The following TTC27 variants were observed in gnomAD, a reference collection of about 807,000 sequenced individuals.
The protein encoded by TTC27 is tetratricopeptide repeat domain 27.
In TTC27, 79 loss-of-function variants were observed where a neutral mutation model predicts 115.9. That is an observed-to-expected ratio of 0.68 (90% CI 0.57 to 0.82). The LOEUF (loss-of-function observed/expected upper bound fraction) is 0.82. Ranked by LOEUF, TTC27 falls within the 40% of genes least tolerant of loss-of-function variation. The probability of loss-of-function intolerance (pLI) is 0.00; values close to 1 mark genes in which losing one functional copy is unlikely to be tolerated. For synonymous variants in TTC27, 401 were observed against 356.0 expected (o/e 1.13, Z -1.42); for missense variants, 1,054 against 993.1 (o/e 1.06, Z -0.82).
At chr2:32,668,558 C>CT (rs1328648219) in intron 7 of TTC27, among the ~76,000 whole-genome samples, 38 of 85,176 alleles carry the variant, frequency 4.5e-4, no homozygotes, top group African/African-American at 1.4e-3. Context: ...CCCTCCCTCC[C>CT]TCCCTTCCTT....
chr2:32,690,342 T>A (rs973213269), intron 9 of TTC27, among the ~76,000 whole-genome samples: 6 of 151,980 alleles, frequency 3.9e-5, no homozygotes, highest in African/African-American at 9.7e-5. Context: ...CTACTAGATG[T>A]TGTGGAAAAA....
intron 13 of TTC27, among the ~76,000 whole-genome samples, chr2:32,760,828 C>T (rs1207349911): frequency 2.6e-5 from 4 of 152,136 alleles, no homozygotes; most frequent in Admixed American, 1.3e-4. Context: ...CTCTGCAGCG[C>T]ACAGTCTGTT....
At chr2:32,709,089 T>C (rs1323909044) in intron 10 of TTC27, among the ~76,000 whole-genome samples, 5 of 152,220 alleles carry the variant, frequency 3.3e-5, no homozygotes, top group Non-Finnish European at 5.9e-5. Context: ...CATGAGTCCA[T>C]ATTGTTATAA....
chr2:32,718,999 G>A (rs1572545671), intron 10 of TTC27, among the ~76,000 whole-genome samples: 1 of 152,190 alleles, frequency 6.6e-6, no homozygotes, highest in South Asian at 2.1e-4. Context: ...GCTTGACCAA[G>A]CCTAGGGGGC....
chr2:32,664,908 C>T (rs983259820), intron 6 of TTC27, among the ~76,000 whole-genome samples: 7 of 151,862 alleles, frequency 4.6e-5, no homozygotes, highest in Non-Finnish European at 8.8e-5. Flanking sequence ...TCTTGGCTCA[C>T]TGCAACCTTG....
chr2:32,636,253 G>T (rs1358545651), intron 3 of TTC27, among the ~76,000 whole-genome samples: 1 of 152,004 alleles, frequency 6.6e-6, no homozygotes, highest in Non-Finnish European at 1.5e-5. Context: ...TCACTCTGTC[G>T]CCCAGGCTGG....
intron 10 of TTC27, among the ~76,000 whole-genome samples, chr2:32,718,355 T>C (rs984297060): frequency 6.6e-6 from 1 of 152,194 alleles, no homozygotes; most frequent in African/African-American, 2.4e-5. Flanking sequence ...TTTGACCATT[T>C]TGACCAATTA....
intron 9 of TTC27, among the ~76,000 whole-genome samples, chr2:32,689,326 A>G (rs192625291): frequency 6.6e-6 from 1 of 152,268 alleles, no homozygotes; most frequent in East Asian, 1.9e-4. Flanking sequence ...ATACTTCACT[A>G]AAGGGAAGAA....
At chr2:32,817,261 A>G (rs113916204) in intron 18 of TTC27, among the ~76,000 whole-genome samples, 196 bp from the exon 19 acceptor site, 1 of 149,734 alleles carries the variant, frequency 6.7e-6, no homozygotes, top group African/African-American at 2.5e-5. Flanking sequence ...AAAAAAAAAG[A>G]AGAAGAAGAA....
chr2:32,675,018 A>G (rs988022982), intron 8 of TTC27, among the ~76,000 whole-genome samples: 2 of 152,326 alleles, frequency 1.3e-5, no homozygotes, highest in South Asian at 4.1e-4. Context: ...ATCCATAACA[A>G]CATTTAGTAT....
At chr2:32,790,799 G>C (rs1256665325) in intron 16 of TTC27, among the ~76,000 whole-genome samples, 2 of 151,562 alleles carry the variant, frequency 1.3e-5, no homozygotes, top group African/African-American at 4.9e-5. Context: ...ATGTGCTACT[G>C]ATGTTTGTAT....
intron 13 of TTC27, among the ~76,000 whole-genome samples, chr2:32,763,350 G>A (rs1669511755): frequency 6.6e-6 from 1 of 152,068 alleles, no homozygotes; most frequent in South Asian, 2.1e-4. Flanking sequence ...GCAATAAAGG[G>A]AAAATAGAAA....
chr2:32,694,388 T>C (rs771081328), intron 9 of TTC27, among the ~76,000 whole-genome samples: 6 of 152,152 alleles, frequency 3.9e-5, no homozygotes, highest in Admixed American at 2.0e-4. Flanking sequence ...GTGGTATATA[T>C]GCATACTGGA....
At chr2:32,710,578 T>C (rs2151905276) in intron 10 of TTC27, among the ~76,000 whole-genome samples, 1 of 151,718 alleles carries the variant, frequency 6.6e-6, no homozygotes, top group East Asian at 2.0e-4. Context: ...TACAGGCATA[T>C]GCCACCACAC....
At chr2:32,662,804 C>T (rs1269603907) in intron 5 of TTC27, among the ~76,000 whole-genome samples, 1 of 151,944 alleles carries the variant, frequency 6.6e-6, no homozygotes, top group Non-Finnish European at 1.5e-5. Flanking sequence ...TTAGATATTT[C>T]TTGCCTTCTG....
At chr2:32,767,608 C>G (rs1370047566) in intron 13 of TTC27, among the ~76,000 whole-genome samples, 1 of 151,052 alleles carries the variant, frequency 6.6e-6, no homozygotes, top group Non-Finnish European at 1.5e-5. Flanking sequence ...ACTACAGGCG[C>G]CCGCCACCGC....
intron 9 of TTC27, among the ~76,000 whole-genome samples, chr2:32,689,699 AT>A (rs1330800597): frequency 6.6e-6 from 1 of 152,172 alleles, no homozygotes; most frequent in Non-Finnish European, 1.5e-5. Flanking sequence ...TATTGAAAAA[AT>A]ATTTGTTGAA....
chr2:32,751,668 G>T (rs989250476), intron 12 of TTC27, among the ~76,000 whole-genome samples: 1 of 152,132 alleles, frequency 6.6e-6, no homozygotes, highest in African/African-American at 2.4e-5. Flanking sequence ...AGAAGATGGG[G>T]TATTTCTATT....
chr2:32,663,566 C>T (rs1057278429), intron 5 of TTC27, among the ~76,000 whole-genome samples: 7 of 152,184 alleles, frequency 4.6e-5, no homozygotes, highest in African/African-American at 1.7e-4. Context: ...CACCTGCCTT[C>T]TGCCTTGATT....
Sources: gnomAD v4.1 joint callset for allele counts (sites outside exome capture counted in the v4.1 genomes callset) on GRCh38, gnomAD v4.1.1 for gene constraint, MANE v1.5 for transcripts, NCBI Gene and HGNC (gene_info 2026-07-23, HGNC 2026-07-21) for gene names.